The following USP28 variants were observed in gnomAD, a reference collection of about 807,000 sequenced individuals.
The protein encoded by USP28 is ubiquitin specific peptidase 28.
USP28 carries 113 observed loss-of-function variants against 145.0 expected under a neutral mutation model. The observed-to-expected ratio is 0.78, with a 90% CI of 0.67 to 0.91. USP28 has a LOEUF of 0.91. Ranked by LOEUF, USP28 falls within the 40% of genes least tolerant of loss-of-function variation. The pLI, the probability that USP28 is intolerant of heterozygous loss-of-function variation, is 0.00. For synonymous variants in USP28, 447 were observed against 450.9 expected (o/e 0.99, Z 0.11); for missense variants, 1,201 against 1,289.6 (o/e 0.93, Z 1.05).
At chr11:113,863,920 G>A (rs1278695730) in intron 1 of USP28, among the ~76,000 whole-genome samples, 2 of 150,166 alleles carry the variant, frequency 1.3e-5, no homozygotes, top group Admixed American at 6.7e-5. Context: ...ACTCCAGCCT[G>A]GGCGACACAG....
At chr11:113,829,726 A>G (rs1407152484) in intron 9 of USP28, among the ~76,000 whole-genome samples, 2 of 151,582 alleles carry the variant, frequency 1.3e-5, no homozygotes, top group Non-Finnish European at 2.9e-5. Context: ...TCAGGAGGAT[A>G]AGGTAGGAGG....
intron 8 of USP28, among the ~76,000 whole-genome samples, chr11:113,831,206 C>A (rs909835202): frequency 2.0e-5 from 3 of 152,136 alleles, no homozygotes; most frequent in African/African-American, 7.2e-5. Context: ...AGTGGAGTCA[C>A]ACATGCAGAC....
intron 3 of USP28, among the ~76,000 whole-genome samples, chr11:113,851,164 C>A (rs1195933483): frequency 6.6e-6 from 1 of 152,198 alleles, no homozygotes; most frequent in Admixed American, 6.5e-5. Flanking sequence ...AGCAGCCTGG[C>A]CTGGGTTCCC....
chr11:113,800,269 C>T (rs10750030), intron 24 of USP28, among the ~76,000 whole-genome samples: 118,249 of 151,920 alleles, frequency 0.78, 46,523 homozygotes, highest in East Asian at 0.89. Flanking sequence ...CCTCCCAAAG[C>T]GCTGGGACTA....
At chr11:113,863,477 T>G (rs1212673257) in intron 1 of USP28, among the ~76,000 whole-genome samples, 1 of 150,544 alleles carries the variant, frequency 6.6e-6, no homozygotes, top group Non-Finnish European at 1.5e-5. Flanking sequence ...AAAACACATC[T>G]CTACAGAAAA....
chr11:113,847,968 T>C (rs1402537085), intron 3 of USP28, among the ~76,000 whole-genome samples: 1 of 152,142 alleles, frequency 6.6e-6, no homozygotes. Flanking sequence ...CTTCCTCTCA[T>C]GGGTCTCACA....
chr11:113,808,488 A>G (rs1463203209), intron 17 of USP28, 51 bp from the exon 18 acceptor site: 3 of 1,593,012 alleles, frequency 1.9e-6, no homozygotes, highest in Middle Eastern at 1.7e-4. Context: ...AATAGTCTAG[A>G]ACACTCAGAT....
intron 7 of USP28, among the ~76,000 whole-genome samples, chr11:113,832,269 CTG>C (rs1565413610): frequency 6.6e-6 from 1 of 152,078 alleles, no homozygotes; most frequent in Non-Finnish European, 1.5e-5. Context: ...GCCACCATGC[CTG>C]GCTAATTTTT....
intron 23 of USP28, 121 bp downstream of exon 24, chr11:113,803,037 T>C (rs1371600261): frequency 1.7e-6 from 2 of 1,182,346 alleles, no homozygotes; most frequent in East Asian, 5.4e-5. Flanking sequence ...TTCATGAGAA[T>C]TTTGGGGGGA....
chr11:113,830,735 G>A (rs2135936608), intron 9 of USP28, 132 bp downstream of exon 9: 1 of 716,238 alleles, frequency 1.4e-6, no homozygotes, highest in South Asian at 2.6e-5. Context: ...CAGATACCAA[G>A]AGGCAGAACC....
chr11:113,809,604 T>C (rs2135353423), intron 16 of USP28, among the ~76,000 whole-genome samples: 1 of 152,364 alleles, frequency 6.6e-6, no homozygotes, highest in Non-Finnish European at 1.5e-5. Context: ...TTGGAGCATT[T>C]GGGATTTTGG....
rs537961894 is a variant in USP28 at position 113,800,841 on chromosome 11, ATTTTTTT to A, written c.3058+635_3058+641del. ...CCCTCCCATAACCATACTCTGCATG[ATTTTTTT>A]TTTTTTTTTTTGGATATGGAGTCTC... On this transcript the variant is annotated intron_variant, in intron 24 of 24. Coordinates refer to ENST00000003302, the Ensembl canonical transcript of USP28. 9.7e-5 allele frequency among the ~76,000 whole-genome samples: 13 copies of A among 134,428 alleles called. 1 individual carries two copies. The South Asian group carries it at 3.2e-3, about 33-fold the overall frequency. 88.2% of individuals were successfully genotyped at this position (134,428 alleles called of 152,430 possible).
Position 113,799,478 on chromosome 11 carries a change from A to T in USP28, c.3059-63T>A, listed in dbSNP as rs1213974204. On this transcript the variant is annotated intron_variant, in intron 24 of 24. Transcript: ENST00000003302. ...ACAGATTTCTGAGTAAAAGTGAACA[A>T]GCCTTCTATTAGCCCCTTACCTAAC... 28 of 1,546,344 alleles carry T rather than the reference A, an allele frequency of 1.8e-5. 1 individual carries two copies. In the Middle Eastern group the frequency reaches 5.2e-4, roughly 29 times the overall value.
At chr11:113,839,761 A>C (rs1353455320) in intron 5 of USP28, among the ~76,000 whole-genome samples, 2 of 152,112 alleles carry the variant, frequency 1.3e-5, no homozygotes, top group African/African-American at 4.8e-5. Flanking sequence ...GCGGTGGCTC[A>C]CGCCTCTAAT....
intron 1 of USP28, among the ~76,000 whole-genome samples, chr11:113,855,837 G>A (rs1435115089): frequency 6.6e-6 from 1 of 152,198 alleles, no homozygotes; most frequent in Non-Finnish European, 1.5e-5. Flanking sequence ...CTTGAACCCA[G>A]GAGGTGGAGG....
chr11:113,854,510 T>G (rs1946833485), intron 1 of USP28, among the ~76,000 whole-genome samples, 175 bp from the exon 2 acceptor site: 1 of 152,200 alleles, frequency 6.6e-6, no homozygotes, highest in East Asian at 1.9e-4. Flanking sequence ...CAAGCGATTC[T>G]CCTGCCTCAG....
At chr11:113,800,835 T>C (rs1938863440) in intron 24 of USP28, among the ~76,000 whole-genome samples, 1 of 150,140 alleles carries the variant, frequency 6.7e-6, no homozygotes, top group Non-Finnish European at 1.5e-5. Context: ...AACCATACTC[T>C]GCATGATTTT....
At chr11:113,824,705 C>T (rs567221286) in intron 11 of USP28, among the ~76,000 whole-genome samples, 21 of 151,330 alleles carry the variant, frequency 1.4e-4, no homozygotes, top group South Asian at 2.1e-4. Context: ...CCGAGGCAGG[C>T]GGATTACCTG....
chr11:113,803,983 C>T (rs1411559732), intron 21 of USP28, 106 bp from the exon 23 acceptor site: 145 of 932,934 alleles, frequency 1.6e-4, no homozygotes, highest in Non-Finnish European at 1.6e-6. Context: ...GCACATCTGG[C>T]TAGCCACAAA....
Sources: gnomAD v4.1 joint callset for allele counts (sites outside exome capture counted in the v4.1 genomes callset) on GRCh38, gnomAD v4.1.1 for gene constraint, MANE v1.5 for transcripts, NCBI Gene and HGNC (gene_info 2026-07-23, HGNC 2026-07-21) for gene names.